Variants in CSTA observed in about 807,000 individuals in gnomAD.
The protein encoded by CSTA is cystatin-A.
In CSTA, 9 loss-of-function variants were observed where a neutral mutation model predicts 9.2. That is an observed-to-expected ratio of 0.97 (90% CI 0.59 to 1.70). The LOEUF is 1.70. Among genes scored for constraint, CSTA ranks in the 40% most tolerant of loss-of-function variants. CSTA has a pLI of 0.00. For missense variants in CSTA, 118 were observed against 113.1 expected, an observed-to-expected ratio of 1.04 and a Z score of -0.20; for synonymous variants, 36 against 40.6, an observed-to-expected ratio of 0.89 and a Z score of 0.43.
intron 1 of CSTA, among the ~76,000 whole-genome samples, chr3:122,336,198 G>A (rs899869489): frequency 4.6e-5 from 7 of 152,078 alleles, no homozygotes; most frequent in Non-Finnish European, 8.8e-5. Context: ...CTTAAATACC[G>A]TTCTCCAATA....
At chr3:122,330,451 A>C (rs924340732) in intron 1 of CSTA, among the ~76,000 whole-genome samples, 1 of 152,214 alleles carries the variant, frequency 6.6e-6, no homozygotes, top group Non-Finnish European at 1.5e-5. Flanking sequence ...AAGGAATTTG[A>C]TATCACAGTG....
At chr3:122,340,634 G>A (rs1019920225) in intron 2 of CSTA, among the ~76,000 whole-genome samples, 4 of 152,132 alleles carry the variant, frequency 2.6e-5, no homozygotes, top group Admixed American at 2.0e-4. Flanking sequence ...GAGGGTGTCC[G>A]CCCCCTGGGC....
intron 1 of CSTA, among the ~76,000 whole-genome samples, chr3:122,326,546 G>C (rs2075171535): frequency 6.6e-6 from 1 of 152,178 alleles, no homozygotes; most frequent in Non-Finnish European, 1.5e-5. Flanking sequence ...GATTATAAGA[G>C]TTGGGATCCT....
intron 1 of CSTA, among the ~76,000 whole-genome samples, chr3:122,328,762 A>G (rs935993964): frequency 6.0e-5 from 9 of 151,234 alleles, no homozygotes; most frequent in African/African-American, 7.3e-5. Flanking sequence ...ATAGCTTTCT[A>G]CTTTCTAGTT....
intron 1 of CSTA, among the ~76,000 whole-genome samples, chr3:122,331,081 A>C (rs762224112): frequency 1.2e-4 from 18 of 150,742 alleles, no homozygotes; most frequent in Non-Finnish European, 2.5e-4. Flanking sequence ...GCTACTATAC[A>C]TGCAATGTGC....
intron 1 of CSTA, among the ~76,000 whole-genome samples, chr3:122,333,540 GAAGAAAGAAAGAAAGA>G (rs71136564): frequency 0.016 from 1,842 of 112,150 alleles, 15 homozygotes; most frequent in African/African-American, 0.035. Flanking sequence ...AGAAAAGAAA[GAAGAAAGAAAGAAAGA>G]AAGAAAGAAA....
chr3:122,329,133 T>A (rs2075188077), intron 1 of CSTA, among the ~76,000 whole-genome samples: 3 of 151,180 alleles, frequency 2.0e-5, no homozygotes. Flanking sequence ...GCCTGGCTAA[T>A]TTTTTGTATT....
chr3:122,326,610 T>C (rs1385779317), intron 1 of CSTA, among the ~76,000 whole-genome samples: 1 of 152,236 alleles, frequency 6.6e-6, no homozygotes, highest in Non-Finnish European at 1.5e-5. Flanking sequence ...TAGAATCCCA[T>C]CACTCATTCT....
At chr3:122,334,547 A>G (rs1040744922) in intron 1 of CSTA, among the ~76,000 whole-genome samples, 1 of 152,204 alleles carries the variant, frequency 6.6e-6, no homozygotes, top group Non-Finnish European at 1.5e-5. Context: ...AGAATCCTAG[A>G]TGGACTGGAG....
At chr3:122,337,160 T>C (rs2075241100) in intron 1 of CSTA, among the ~76,000 whole-genome samples, 1 of 152,232 alleles carries the variant, frequency 6.6e-6, no homozygotes, top group Admixed American at 6.5e-5. Context: ...CTGTAAATGA[T>C]ATAAGAGAAT....
intron 1 of CSTA, among the ~76,000 whole-genome samples, chr3:122,331,156 A>G (rs1291812901): frequency 6.6e-6 from 1 of 151,452 alleles, no homozygotes; most frequent in Non-Finnish European, 1.5e-5. Flanking sequence ...CCCCTTAGTC[A>G]TAAACCTAAT....
At chr3:122,329,235 G>A (rs2075189131) in intron 1 of CSTA, among the ~76,000 whole-genome samples, 1 of 151,804 alleles carries the variant, frequency 6.6e-6, no homozygotes. Context: ...CAAAGTGCTG[G>A]GATTACAGGC....
At chr3:122,334,538 G>C (rs1256441225) in intron 1 of CSTA, among the ~76,000 whole-genome samples, 1 of 152,090 alleles carries the variant, frequency 6.6e-6, no homozygotes, top group Non-Finnish European at 1.5e-5. Context: ...TGCCTTGGGA[G>C]AATCCTAGAT....
chr3:122,335,701 G>A (rs1018401577), intron 1 of CSTA, among the ~76,000 whole-genome samples: 3 of 150,780 alleles, frequency 2.0e-5, no homozygotes, highest in South Asian at 2.1e-4. Context: ...GTGTGATCTC[G>A]GCTCACTGCA....
chr3:122,325,323 C>G lies in CSTA; in HGVS notation c.31C>G (p.Pro11Ala), dbSNP rs1313567030. Reference protein sequence around the residue: MIPGGLSEAKPATPEIQEIVD... With the variant: MIPGGLSEAKAATPEIQEIVD... ...ACCTGGAGGCTTATCTGAGGCCAAA[C>G]CCGCCACTCCAGAAATCCAGGAGAT... Residue 11 changes from proline to alanine, a missense_variant, in exon 1 of 3, where the codon CCC (proline) becomes GCC (alanine). Coordinates refer to ENST00000264474, the MANE Select transcript of CSTA (RefSeq NM_005213.4). The G allele has an allele frequency of 1.2e-6, 2 of 1,613,936 alleles. No homozygotes were observed. The highest frequency in any genetic ancestry group is 3.3e-5 in the Admixed American group (2 of 59,990).
At chr3:122,334,221 G>T (rs77208758) in intron 1 of CSTA, among the ~76,000 whole-genome samples, 32 of 152,036 alleles carry the variant, frequency 2.1e-4, no homozygotes, top group Admixed American at 7.2e-4. Flanking sequence ...CACTTTTCCC[G>T]TCTATTCTCA....
intron 1 of CSTA, among the ~76,000 whole-genome samples, chr3:122,329,639 T>C (rs1221191191): frequency 1.3e-5 from 2 of 152,230 alleles, no homozygotes; most frequent in Non-Finnish European, 1.5e-5. Flanking sequence ...ATTTCTTGTA[T>C]ATCTCCTAGG....
chr3:122,338,750 T>A (rs946524397), intron 2 of CSTA, among the ~76,000 whole-genome samples: 2 of 152,220 alleles, frequency 1.3e-5, no homozygotes, highest in Admixed American at 6.5e-5. Flanking sequence ...TAAAAATGAT[T>A]ATGTGCAAAG....
chr3:122,330,118 C>T (rs934299752), intron 1 of CSTA, among the ~76,000 whole-genome samples: 1 of 152,192 alleles, frequency 6.6e-6, no homozygotes, highest in Admixed American at 6.5e-5. Flanking sequence ...AATTCCTTCT[C>T]CAAAATTACA....
Sources: gnomAD v4.1 joint callset for allele counts (sites outside exome capture counted in the v4.1 genomes callset) on GRCh38, gnomAD v4.1.1 for gene constraint, MANE v1.5 for transcripts, NCBI Gene and HGNC (gene_info 2026-07-23, HGNC 2026-07-21) for gene names.